Variants in TEAD1 observed in about 807,000 individuals in gnomAD.
TEAD1 encodes TEA domain transcription factor 1, also known as transcriptional enhancer factor TEF-1.
Under a neutral mutation model 54.9 loss-of-function variants are expected in TEAD1, and 9 were observed. The observed-to-expected ratio is 0.16, with a 90% confidence interval of 0.10 to 0.29. TEAD1 has a LOEUF of 0.29. Ranked by LOEUF, TEAD1 falls within the 10% of genes least tolerant of loss-of-function variation. TEAD1 has a pLI of 1.00. For missense variants in TEAD1, 387 were observed against 535.9 expected (o/e 0.72, Z 2.74); for synonymous variants, 200 against 187.8 (o/e 1.07, Z -0.53).
chr11:12,845,120 A>G (rs1947117882), intron 3 of TEAD1, among the ~76,000 whole-genome samples: 1 of 151,860 alleles, frequency 6.6e-6, no homozygotes. Flanking sequence ...ACCCACTACC[A>G]TGCCCGGCTA....
intron 2 of TEAD1, among the ~76,000 whole-genome samples, chr11:12,677,969 G>A (rs1943133095): frequency 6.6e-6 from 1 of 152,200 alleles, no homozygotes; most frequent in South Asian, 2.1e-4. Context: ...ATAACTGTAT[G>A]TATGATCTGG....
intron 3 of TEAD1, among the ~76,000 whole-genome samples, chr11:12,811,946 G>C (rs1044943400): frequency 6.6e-6 from 1 of 152,030 alleles, no homozygotes; most frequent in Non-Finnish European, 1.5e-5. Context: ...CAGCCACACC[G>C]GTAGGACGTA....
At chr11:12,921,004 A>G (rs1218378447) in intron 10 of TEAD1, among the ~76,000 whole-genome samples, 1 of 152,174 alleles carries the variant, frequency 6.6e-6, no homozygotes, top group African/African-American at 2.4e-5. Context: ...TGGCATAGGT[A>G]TATATATATG....
At chr11:12,674,930 G>C (rs915721307) in intron 1 of TEAD1, 96 bp downstream of exon 1, 2 of 150,064 alleles carry the variant, frequency 1.3e-5, no homozygotes, top group Non-Finnish European at 3.0e-5. Context: ...CTTTCTTTGC[G>C]GGCTCTGCTT....
chr11:12,920,358 T>A (rs1948781610), intron 10 of TEAD1, among the ~76,000 whole-genome samples: 1 of 152,242 alleles, frequency 6.6e-6, no homozygotes. Flanking sequence ...TTATATATAT[T>A]GACAGATTAT....
intron 3 of TEAD1, among the ~76,000 whole-genome samples, chr11:12,775,744 G>C (rs978718650): frequency 6.6e-6 from 1 of 152,122 alleles, no homozygotes; most frequent in African/African-American, 2.4e-5. Context: ...CAGGGAGATG[G>C]GATTATAGGA....
chr11:12,796,143 T>C (rs1480565584), intron 3 of TEAD1, among the ~76,000 whole-genome samples: 1 of 152,136 alleles, frequency 6.6e-6, no homozygotes, highest in African/African-American at 2.4e-5. Flanking sequence ...GAATATTATA[T>C]AGCAAAGGAG....
chr11:12,741,777 C>T (rs1319476456), intron 2 of TEAD1, among the ~76,000 whole-genome samples: 1 of 152,158 alleles, frequency 6.6e-6, no homozygotes, highest in Non-Finnish European at 1.5e-5. Flanking sequence ...GGCTCTCATC[C>T]TTGCAGTTGT....
rs76390636 is a variant in TEAD1 at position 12,849,814 on chromosome 11, T to C, written c.203-12436T>C. 2.4e-4 allele frequency among the ~76,000 whole-genome samples: 37 copies of C among 152,304 alleles called. No homozygotes were observed. In the East Asian group the frequency reaches 5.0e-3, roughly 21 times the overall value. On this transcript the variant is annotated intron_variant, in intron 3 of 12. Transcript: ENST00000527636. The stretch of plus-strand genomic sequence containing the variant: ...GCAAAAACCTCATTCCTGCTATTTA[T>C]TCAGTGGAGAATCTATTTCAAATTA...
intron 4 of TEAD1, chr11:12,864,622 GTT>G: frequency 2.1e-6 from 2 of 948,864 alleles, no homozygotes; most frequent in Non-Finnish European, 2.9e-6. Context: ...TTCCTTTTTT[GTT>G]TTGTTTTGTT....
intron 3 of TEAD1, among the ~76,000 whole-genome samples, chr11:12,771,212 C>CCAG (rs1945304791): frequency 6.6e-6 from 1 of 152,148 alleles, no homozygotes; most frequent in African/African-American, 2.4e-5. Context: ...GGTACAGGAG[C>CCAG]CAGCATTGTG....
chr11:12,756,204 A>G (rs570894003), intron 2 of TEAD1, among the ~76,000 whole-genome samples: 24 of 152,236 alleles, frequency 1.6e-4, no homozygotes, highest in African/African-American at 5.8e-4. Context: ...TTTGAAAACG[A>G]GAAGGAGTAA....
At chr11:12,864,749 G>A in intron 4 of TEAD1, 89 bp from the exon 5 acceptor site, 1 of 1,611,334 alleles carries the variant, frequency 6.2e-7, no homozygotes, top group Non-Finnish European at 8.5e-7. Flanking sequence ...CGCCATTAAG[G>A]TACGTCTGGC....
chr11:12,875,239 T>C (rs1947831459), intron 5 of TEAD1, among the ~76,000 whole-genome samples: 1 of 152,182 alleles, frequency 6.6e-6, no homozygotes, highest in Non-Finnish European at 1.5e-5. Flanking sequence ...TCCTCCCCTT[T>C]AGAGTGAGGA....
At chr11:12,851,650 G>A (rs1056859674) in intron 3 of TEAD1, among the ~76,000 whole-genome samples, 2 of 151,830 alleles carry the variant, frequency 1.3e-5, no homozygotes, top group South Asian at 4.2e-4. Flanking sequence ...AATACAAAAA[G>A]TTAGCCAGAC....
intron 2 of TEAD1, among the ~76,000 whole-genome samples, chr11:12,681,668 C>T (rs1943224505): frequency 1.3e-5 from 2 of 152,268 alleles, no homozygotes. Flanking sequence ...TGACCATGTG[C>T]TCATCACCCA....
rs183419635 is a variant in TEAD1, at chr11:12,942,949, G to A, written c.*5727G>A. ...GAAAGCTGATAGAGGTAAGGAAGAC[G>A]AGTGAAAAGGACAAGAAGGCCAAAC... On this transcript the variant is annotated 3_prime_UTR_variant, in exon 13 of 13. Transcript: ENST00000527636. The A allele has an allele frequency of 3.9e-5, 6 of 152,264 alleles. No individual in the cohort carries two copies. The highest frequency in any genetic ancestry group is 2.6e-4 in the Admixed American group (4 of 15,290). The allele number at this position is 152,264 out of a possible 1,614,324, so 9.4% of individuals were successfully genotyped here. A position where few individuals can be genotyped will look rare whatever the true frequency, so the allele number is the denominator to read the frequency against.
intron 5 of TEAD1, among the ~76,000 whole-genome samples, chr11:12,873,325 A>G (rs1384836019): frequency 2.0e-5 from 3 of 152,042 alleles, no homozygotes; most frequent in Admixed American, 6.5e-5. Context: ...AAGCTGTCCT[A>G]AATCCCAGGC....
chr11:12,711,438 TAGC>T (rs1295205460), intron 2 of TEAD1, among the ~76,000 whole-genome samples: 1 of 152,224 alleles, frequency 6.6e-6, no homozygotes, highest in Non-Finnish European at 1.5e-5. Context: ...CCTGGTCTTT[TAGC>T]AGTTCAGCAT....
Sources: allele counts gnomAD v4.1 joint callset (sites outside exome capture counted in the v4.1 genomes callset), GRCh38; gene constraint gnomAD v4.1.1; transcripts MANE v1.5; gene names NCBI Gene and HGNC (gene_info 2026-07-23, HGNC 2026-07-21).